ABCA13: variants seen among roughly 807,000 people sequenced by gnomAD.
The protein encoded by ABCA13 is ATP binding cassette subfamily A member 13.
In ABCA13, 476 loss-of-function variants were observed where a neutral mutation model predicts 478.7. The observed-to-expected ratio is 0.99, with a 90% CI of 0.92 to 1.07. ABCA13 has a LOEUF of 1.07. Among genes scored for constraint, ABCA13 ranks in the 50% least tolerant of loss-of-function variants. The pLI, the probability that ABCA13 is intolerant of heterozygous loss-of-function variation, is 0.00. For missense variants in ABCA13, 6,060 were observed against 5,910.6 expected (o/e 1.03, Z -0.83); for synonymous variants, 2,252 against 2,158.9 (o/e 1.04, Z -1.20).
chr7:48,314,311 C>G lies in ABCA13; in HGVS notation c.9761C>G (p.Ala3254Gly). The G allele has an allele frequency of 2.5e-6, 4 of 1,613,744 alleles. No individual in the cohort carries two copies. The highest frequency in any genetic ancestry group is 3.4e-6 in the Non-Finnish European group (4 of 1,179,798). The change falls in exon 26 of 62, where the codon GCA (alanine) becomes GGA (glycine). Residue 3254 changes from alanine to glycine, a missense_variant. Physicochemically the swap from Ala to Gly is moderately conservative, Grantham distance 60. Coordinates refer to ENST00000435803, the MANE Select transcript of ABCA13 (RefSeq NM_152701.5). ...FVMKMVCKDQ[A>G]SFLSDSNMFI... Reference sequence around the variant, plus strand: ...ATGAAGATGGTTTGCAAGGACCAAGCATCATTCCTTAGCGATTCTAATATG... The same window carrying G: ...ATGAAGATGGTTTGCAAGGACCAAGGATCATTCCTTAGCGATTCTAATATG...
chr7:48,239,333 C>T lies in ABCA13; in HGVS notation c.990C>T (p.Gly330=). Residue 330 remains glycine (G), a synonymous_variant, in exon 9 of 62, where the codon GGC becomes GGT. Transcript: ENST00000435803. ...CTGAGAAATGGGGCCACGTTGGAGGCTGCCACCCTAAGTGGTCAGAAGCCA... is the reference window on the plus strand; with the variant it reads ...CTGAGAAATGGGGCCACGTTGGAGGTTGCCACCCTAAGTGGTCAGAAGCCA... ...DEAEKWGHVG[G]CHPKWSEAKN... The T allele has an allele frequency of 6.2e-7, 1 of 1,613,960 alleles. No homozygotes were observed. The highest frequency in any genetic ancestry group is 1.3e-5 in the African/African-American group (1 of 75,048).
At chr7:48,329,597 C>A (rs537163747) in intron 27 of ABCA13, among the ~76,000 whole-genome samples, 2 of 151,982 alleles carry the variant, frequency 1.3e-5, no homozygotes, top group East Asian at 3.9e-4. Flanking sequence ...ATTCATCCAT[C>A]CACACATCCA....
At chr7:48,483,627 G>A (rs1829001985) in intron 47 of ABCA13, among the ~76,000 whole-genome samples, 1 of 152,206 alleles carries the variant, frequency 6.6e-6, no homozygotes, top group South Asian at 2.1e-4. Flanking sequence ...CTATACCTGT[G>A]AATTAGGAAT....
rs1460427427 is a variant in ABCA13 at position 48,570,317 on chromosome 7, C to CTT, written c.14355-9906_14355-9905insTT. Among the ~76,000 whole-genome samples the CTT allele has an allele frequency of 3.7e-5, 5 of 133,728 alleles. No homozygotes were observed. The South Asian group carries it at 9.2e-4, about 25-fold the overall frequency. The allele number at this position is 133,728 out of a possible 152,430, so 87.7% of individuals were successfully genotyped here. On this transcript the variant is annotated intron_variant, in intron 55 of 61. Coordinates refer to ENST00000435803, the MANE Select transcript of ABCA13 (RefSeq NM_152701.5). ...ATTTCATTGTATATCTTTTTGCATC[C>CTT]TCTTTTTTTTTTTTTTTTTTTTTTT...
rs113066838 is a variant in ABCA13 at position 48,505,963 on chromosome 7, C to T, written c.13292-373C>T. Reference sequence around the variant, plus strand: ...TCTAGAGGTGAATATTGATCTGATTCATATCAGATAGTCTTCTTTGCATAT... The same window carrying T: ...TCTAGAGGTGAATATTGATCTGATTTATATCAGATAGTCTTCTTTGCATAT... On this transcript the variant is annotated intron_variant, in intron 48 of 61. Transcript: ENST00000435803. Among the ~76,000 whole-genome samples the T allele has an allele frequency of 3.4e-3, 516 of 152,274 alleles. 1 individual carries two copies. Among genetic ancestry groups the T allele is most frequent in the Non-Finnish European group, 5.3e-3 (359 of 68,018 alleles).
chr7:48,527,060 G>A (rs548902082), intron 54 of ABCA13, among the ~76,000 whole-genome samples: 56 of 152,264 alleles, frequency 3.7e-4, no homozygotes, highest in Non-Finnish European at 6.6e-4. Context: ...AGTCCAGAGA[G>A]GGTGGCTGTG....
chr7:48,330,240 T>A (rs762690345), intron 27 of ABCA13, among the ~76,000 whole-genome samples: 4 of 151,862 alleles, frequency 2.6e-5, no homozygotes, highest in Non-Finnish European at 5.9e-5. Flanking sequence ...CACATATCCA[T>A]CCATTCATCC....
chr7:48,423,694 A>G (rs896256081), intron 41 of ABCA13, among the ~76,000 whole-genome samples: 2 of 152,264 alleles, frequency 1.3e-5, no homozygotes, highest in Non-Finnish European at 2.9e-5. Flanking sequence ...TCCCTTGAAA[A>G]GAAAGAGTGG....
chr7:48,524,906 GTT>G (rs1262709891), intron 54 of ABCA13, among the ~76,000 whole-genome samples: 3 of 152,126 alleles, frequency 2.0e-5, no homozygotes, highest in African/African-American at 7.2e-5. Flanking sequence ...ATTAATTCTA[GTT>G]ATAATGTTTA....
intron 58 of ABCA13, among the ~76,000 whole-genome samples, chr7:48,610,839 A>T (rs1472172233): frequency 6.6e-6 from 1 of 152,158 alleles, no homozygotes; most frequent in African/African-American, 2.4e-5. Flanking sequence ...GCTGCAACAC[A>T]GTGAGCAGTG....
At position 48,225,109 on chromosome 7, in the gene ABCA13, G is replaced by GTGCCTGCCTGCCTGCCTGCC. The variant is rs201750881; in HGVS notation, c.469-2143_469-2124dup. On this transcript the variant is annotated intron_variant, in intron 5 of 61. Coordinates refer to ENST00000435803, the MANE Select transcript of ABCA13 (RefSeq NM_152701.5). ...TATAGGCGTTAATCACCATGCGTGC[G>GTGCCTGCCTGCCTGCCTGCC]TGCCTGCCTGCCTGCCTGCCTGCCT... Among the ~76,000 whole-genome samples the GTGCCTGCCTGCCTGCCTGCC allele has an allele frequency of 1.3e-3, 152 of 113,688 alleles. 2 individuals carry two copies. The highest frequency in any genetic ancestry group is 3.8e-3 in the African/African-American group (106 of 28,034). The allele number at this position is 113,688 out of a possible 152,430, so 74.6% of individuals were successfully genotyped here. A position where few individuals can be genotyped will look rare whatever the true frequency, so the allele number is the denominator to read the frequency against.
chr7:48,394,858 A>G (rs763269112), intron 38 of ABCA13, among the ~76,000 whole-genome samples: 1 of 152,108 alleles, frequency 6.6e-6, no homozygotes, highest in African/African-American at 2.4e-5. Context: ...TTCAGAAAGA[A>G]ACCTCAGGTG....
At chr7:48,431,385 AAC>A in intron 42 of ABCA13, among the ~76,000 whole-genome samples, 2 of 140,826 alleles carry the variant, frequency 1.4e-5, no homozygotes, top group African/African-American at 2.6e-5. Context: ...CAACAACAAC[AAC>A]AAATCTCTTT....
At position 48,414,781 on chromosome 7, in the gene ABCA13, C is replaced by A. The variant is rs924295217; in HGVS notation, c.12459+2198C>A. 3.9e-5 allele frequency among the ~76,000 whole-genome samples: 6 copies of A among 152,032 alleles called. No individual in the cohort carries two copies. The South Asian group carries it at 1.0e-3, about 26-fold the overall frequency. On this transcript the variant is annotated intron_variant, in intron 41 of 61. Transcript: ENST00000435803. ...CTGCATCTGGCACCAAGATTTTGAT[C>A]TTTAAAATGGAAAAATCAGAACAGT...
intron 42 of ABCA13, among the ~76,000 whole-genome samples, chr7:48,447,127 A>G (rs1824406814): frequency 6.6e-6 from 1 of 152,256 alleles, no homozygotes; most frequent in Admixed American, 6.5e-5. Context: ...CCTGTGAGAT[A>G]TTTAACAAAA....
intron 54 of ABCA13, among the ~76,000 whole-genome samples, 164 bp downstream of exon 54, chr7:48,524,604 T>C (rs1832766548): frequency 6.6e-6 from 1 of 151,920 alleles, no homozygotes; most frequent in Non-Finnish European, 1.5e-5. Context: ...AAATAGAGGG[T>C]CTGTTGACTA....
At chr7:48,604,279 A>T (rs1791227990) in intron 58 of ABCA13, among the ~76,000 whole-genome samples, 1 of 151,832 alleles carries the variant, frequency 6.6e-6, no homozygotes, top group Non-Finnish European at 1.5e-5. Context: ...CTCGCTTTTG[A>T]ATTTGTTTGC....
At chr7:48,367,520 G>GC (rs1811865134) in intron 31 of ABCA13, among the ~76,000 whole-genome samples, 1 of 152,178 alleles carries the variant, frequency 6.6e-6, no homozygotes, top group Admixed American at 6.5e-5. Context: ...AACCTGCTCT[G>GC]CCTATGGCAG....
At chr7:48,573,943 C>T (rs1787920258) in intron 55 of ABCA13, among the ~76,000 whole-genome samples, 1 of 151,822 alleles carries the variant, frequency 6.6e-6, no homozygotes, top group African/African-American at 2.4e-5. Flanking sequence ...TATAGTCTTC[C>T]CTCTATATAT....
Sources: gnomAD v4.1 joint callset for allele counts (sites outside exome capture counted in the v4.1 genomes callset) on GRCh38, gnomAD v4.1.1 for gene constraint, MANE v1.5 for transcripts, NCBI Gene and HGNC (gene_info 2026-07-23, HGNC 2026-07-21) for gene names.